ASTN2: variants seen among roughly 807,000 people sequenced by gnomAD.
ASTN2 encodes the protein astrotactin-2.
In ASTN2, 54 loss-of-function variants were observed where a neutral mutation model predicts 139.8. The ratio of observed to expected loss-of-function variants is 0.39; its 90% confidence interval spans 0.31 to 0.48. The LOEUF (loss-of-function observed/expected upper bound fraction) is 0.48, where lower values mean the gene tolerates loss of function less well. Among genes scored for constraint, ASTN2 ranks in the 20% least tolerant of loss-of-function variants. ASTN2 has a pLI of 0.95. For missense variants in ASTN2, 1,565 were observed against 1,725.1 expected, an observed-to-expected ratio of 0.91 and a Z score of 1.64; for synonymous variants, 756 against 719.5, an observed-to-expected ratio of 1.05 and a Z score of -0.81.
intron 19 of ASTN2, chr9:116,585,218 T>A (rs560337782): frequency 1.6e-4 from 24 of 152,304 alleles, no homozygotes; most frequent in Non-Finnish European, 1.5e-4. Flanking sequence ...AAATCCCAAT[T>A]CTGCCTTAGA....
rs1564192806 is a variant in ASTN2, at chr9:117,414,942, G to T, written c.-4C>A. On this transcript the variant is annotated 5_prime_UTR_variant, in exon 1 of 23. Coordinates refer to ENST00000313400, the MANE Select transcript of ASTN2 (RefSeq NM_001365068.1). The surrounding 1 kb of genome is among the most constrained non-coding windows in gnomAD (Gnocchi z 4.2). The stretch of plus-strand genomic sequence containing the variant: ...GCCGGGCGCCGGCGGCGGCCATGGC[G>T]GGAGGGGCTGCGGTGCTGCGGGCGG... The T allele has an allele frequency of 3.1e-6, 1 of 322,562 alleles. No homozygotes were observed. Among genetic ancestry groups the T allele is most frequent in the Non-Finnish European group, 4.8e-6 (1 of 208,756 alleles). The allele number at this position is 322,562 out of a possible 1,614,324, so 20.0% of individuals were successfully genotyped here.
chr9:116,763,436 C>A (rs1428788611), intron 13 of ASTN2, among the ~76,000 whole-genome samples: 14 of 152,116 alleles, frequency 9.2e-5, no homozygotes, highest in Non-Finnish European at 1.5e-5. Context: ...TTCACACAAC[C>A]ACTCAGCGCC....
intron 19 of ASTN2, among the ~76,000 whole-genome samples, chr9:116,613,788 T>C (rs1209913859): frequency 6.6e-6 from 1 of 152,108 alleles, no homozygotes; most frequent in Non-Finnish European, 1.5e-5. Context: ...GGGCAAAAAC[T>C]GGAAGCATTC....
intron 11 of ASTN2, among the ~76,000 whole-genome samples, chr9:116,828,019 G>A (rs920272208): frequency 1.3e-5 from 2 of 152,164 alleles, no homozygotes; most frequent in African/African-American, 2.4e-5. Context: ...GCAAAAGGCC[G>A]GGCACAGTGG....
At chr9:117,120,018 G>GTGTATATATATATATATATATA (rs1306397698) in intron 4 of ASTN2, among the ~76,000 whole-genome samples, 7 of 45,990 alleles carry the variant, frequency 1.5e-4, no homozygotes, top group Non-Finnish European at 1.6e-4. Flanking sequence ...GTGTGTGTGT[G>GTGTATATATATATATATATATA]TATATATATA....
At chr9:117,076,958 C>T (rs1279639504) in intron 5 of ASTN2, among the ~76,000 whole-genome samples, 1 of 148,476 alleles carries the variant, frequency 6.7e-6, no homozygotes, top group East Asian at 2.1e-4. Flanking sequence ...ATCTCAGCAG[C>T]TTGGCCCTTA....
chr9:117,385,993 T>C (rs184167755), intron 1 of ASTN2, among the ~76,000 whole-genome samples: 4 of 152,044 alleles, frequency 2.6e-5, no homozygotes, highest in Admixed American at 2.0e-4. Flanking sequence ...GGGGATATGG[T>C]ACCTTGCCAG....
chr9:117,413,838 T>C (rs1487546082), intron 1 of ASTN2, among the ~76,000 whole-genome samples: 1 of 152,152 alleles, frequency 6.6e-6, no homozygotes, highest in East Asian at 1.9e-4. Flanking sequence ...AGGGAGGCTC[T>C]AAACGTGGAG....
At chr9:116,495,394 C>T (rs1392822209) in intron 19 of ASTN2, among the ~76,000 whole-genome samples, 1 of 152,134 alleles carries the variant, frequency 6.6e-6, no homozygotes, top group Non-Finnish European at 1.5e-5. Context: ...CGATGGCCAG[C>T]CATTTCATGT....
intron 20 of ASTN2, among the ~76,000 whole-genome samples, chr9:116,475,187 G>A (rs1848939473): frequency 6.6e-6 from 1 of 152,172 alleles, no homozygotes; most frequent in Non-Finnish European, 1.5e-5. Context: ...TAAACATCTA[G>A]ATTTCTGGCT....
chr9:117,094,209 G>A (rs868113563), intron 5 of ASTN2, among the ~76,000 whole-genome samples: 1 of 115,298 alleles, frequency 8.7e-6, no homozygotes, highest in Admixed American at 8.6e-5. Context: ...GAGGAGAGGA[G>A]AGGAGAGGAA....
At chr9:116,977,600 C>T (rs1236503118) in intron 7 of ASTN2, among the ~76,000 whole-genome samples, 2 of 152,132 alleles carry the variant, frequency 1.3e-5, no homozygotes, top group African/African-American at 4.8e-5. Flanking sequence ...TGTCCAATTT[C>T]CTAGCATATC....
At chr9:116,830,861 T>A (rs1304925857) in intron 11 of ASTN2, among the ~76,000 whole-genome samples, 1 of 148,316 alleles carries the variant, frequency 6.7e-6, no homozygotes, top group Non-Finnish European at 1.5e-5. Flanking sequence ...GCAACAATAA[T>A]AACATACGAG....
At chr9:117,411,026 A>G (rs1831143024) in intron 1 of ASTN2, among the ~76,000 whole-genome samples, 1 of 152,180 alleles carries the variant, frequency 6.6e-6, no homozygotes. Flanking sequence ...TTGGTTCAGA[A>G]TACCAGTTTA....
intron 1 of ASTN2, among the ~76,000 whole-genome samples, chr9:117,382,188 T>C (rs974210024): frequency 3.9e-4 from 59 of 152,122 alleles, no homozygotes; most frequent in African/African-American, 1.3e-3. Context: ...GGGTGCCCAG[T>C]TGTAGGAGTC....
At chr9:117,232,445 A>T (rs780079317) in intron 2 of ASTN2, among the ~76,000 whole-genome samples, 1 of 152,020 alleles carries the variant, frequency 6.6e-6, no homozygotes, top group Non-Finnish European at 1.5e-5. Context: ...GCCCTCCAAA[A>T]GCAGCCTTCT....
intron 22 of ASTN2, among the ~76,000 whole-genome samples, chr9:116,431,805 C>A (rs1039575828): frequency 6.6e-6 from 1 of 152,116 alleles, no homozygotes; most frequent in Non-Finnish European, 1.5e-5. Context: ...ATTGATTTGA[C>A]CAGGGTGACA....
At chr9:116,959,724 G>A (rs1835824227) in intron 10 of ASTN2, among the ~76,000 whole-genome samples, 1 of 152,104 alleles carries the variant, frequency 6.6e-6, no homozygotes, top group Admixed American at 6.5e-5. Flanking sequence ...CCTTCGGAGA[G>A]CAGGTCAAAA....
chr9:116,885,854 G>A (rs1588384134), intron 10 of ASTN2, among the ~76,000 whole-genome samples: 1 of 151,388 alleles, frequency 6.6e-6, no homozygotes, highest in South Asian at 2.1e-4. Context: ...TCATTTCAAA[G>A]CATGTCCATC....
Sources: gnomAD v4.1 joint callset for allele counts (sites outside exome capture counted in the v4.1 genomes callset) on GRCh38, gnomAD v4.1.1 for gene constraint, Gnocchi (gnomAD v3.1) non-coding constraint, MANE v1.5 for transcripts, NCBI Gene and HGNC (gene_info 2026-07-23, HGNC 2026-07-21) for gene names.